Variants in ROCK2 observed in about 807,000 individuals in gnomAD.
ROCK2 encodes rho-associated protein kinase 2.
In ROCK2, 61 loss-of-function variants were observed where a neutral mutation model predicts 195.1. The observed-to-expected ratio is 0.31, with a 90% CI of 0.25 to 0.39. The LOEUF is 0.39. Among genes scored for constraint, ROCK2 ranks in the 10% least tolerant of loss-of-function variants. The pLI, the probability that ROCK2 is intolerant of heterozygous loss-of-function variation, is 1.00. For missense variants in ROCK2, 1,109 were observed against 1,637.4 expected (o/e 0.68, Z 5.57); for synonymous variants, 504 against 545.5 (o/e 0.92, Z 1.06).
chr2:11,280,486 C>G (rs1255715866), intron 3 of ROCK2, among the ~76,000 whole-genome samples: 1 of 151,014 alleles, frequency 6.6e-6, no homozygotes, highest in Non-Finnish European at 1.5e-5. Flanking sequence ...AAAAATTGAG[C>G]CATTCATGGT....
intron 5 of ROCK2, among the ~76,000 whole-genome samples, chr2:11,230,574 T>A (rs1009926657): frequency 1.3e-5 from 2 of 152,164 alleles, no homozygotes; most frequent in African/African-American, 4.8e-5. Flanking sequence ...AAATTTCATG[T>A]GACAAGCTAA....
intron 3 of ROCK2, among the ~76,000 whole-genome samples, chr2:11,272,428 T>G (rs1205455723): frequency 6.6e-6 from 1 of 152,238 alleles, no homozygotes; most frequent in African/African-American, 2.4e-5. Flanking sequence ...ATTATTAATC[T>G]AAAAGCTAGT....
intron 18 of ROCK2, among the ~76,000 whole-genome samples, chr2:11,209,247 T>C (rs564961216): frequency 6.6e-6 from 1 of 152,288 alleles, no homozygotes; most frequent in South Asian, 2.1e-4. Flanking sequence ...CTTTCTGAGC[T>C]TAAACCCTGG....
intron 1 of ROCK2, among the ~76,000 whole-genome samples, chr2:11,323,032 A>AT (rs145540071): frequency 0.043 from 6,473 of 152,268 alleles, 281 homozygotes; most frequent in Non-Finnish European, 0.06. Flanking sequence ...ACCTAAGGGG[A>AT]TTTTTTAGGG....
intron 29 of ROCK2, 38 bp downstream of exon 29, chr2:11,194,218 A>G: frequency 1.1e-6 from 1 of 902,556 alleles, no homozygotes; most frequent in Non-Finnish European, 1.7e-6. Flanking sequence ...TATACTTTAA[A>G]AGATATAGTT....
chr2:11,318,062 G>A (rs565219599), intron 1 of ROCK2, among the ~76,000 whole-genome samples: 223 of 152,056 alleles, frequency 1.5e-3, no homozygotes, highest in African/African-American at 5.0e-3. Flanking sequence ...GAATAGTGCC[G>A]CAATAAACAT....
intron 4 of ROCK2, among the ~76,000 whole-genome samples, chr2:11,242,644 G>A (rs1223338400): frequency 6.6e-6 from 1 of 152,098 alleles, no homozygotes; most frequent in Non-Finnish European, 1.5e-5. Context: ...TCTTACTCAA[G>A]GGAGTTAATC....
At chr2:11,262,091 A>G (rs1339026989) in intron 3 of ROCK2, among the ~76,000 whole-genome samples, 1 of 152,202 alleles carries the variant, frequency 6.6e-6, no homozygotes, top group African/African-American at 2.4e-5. Flanking sequence ...GTATGACATG[A>G]ATTTCCCGTC....
At chr2:11,275,695 C>CTTTTTT (rs70953379) in intron 3 of ROCK2, among the ~76,000 whole-genome samples, 2 of 110,208 alleles carry the variant, frequency 1.8e-5, no homozygotes, top group African/African-American at 3.5e-5. Flanking sequence ...ATTCAACAAT[C>CTTTTTT]TTTTTTTTTT....
chr2:11,226,289 A>G (rs1664809207), intron 6 of ROCK2, among the ~76,000 whole-genome samples: 1 of 152,220 alleles, frequency 6.6e-6, no homozygotes, highest in African/African-American at 2.4e-5. Flanking sequence ...TCTATGATGT[A>G]AAGAAAGTTT....
intron 1 of ROCK2, among the ~76,000 whole-genome samples, chr2:11,319,153 A>G (rs1302053231): frequency 6.6e-6 from 1 of 152,206 alleles, no homozygotes. Context: ...AGTCAGTGGT[A>G]GCTTGATGGG....
In ROCK2 at chr2:11,201,504, A is replaced by T; in HGVS notation, c.2620-91T>A. On this transcript the variant is annotated intron_variant, in intron 21 of 32. Transcript: ENST00000315872. The surrounding 1 kb of genome is among the most constrained non-coding windows in gnomAD (Gnocchi z 4.6). ...TATTCAGACAAAAAGGAGAATGAACACATACAAATATTTTCTTACTGCTAA... is the reference window on the plus strand; with the variant it reads ...TATTCAGACAAAAAGGAGAATGAACTCATACAAATATTTTCTTACTGCTAA... The T allele has an allele frequency of 2.7e-6, 2 of 731,000 alleles. No homozygotes were observed. Among genetic ancestry groups the T allele is most frequent in the Non-Finnish European group, 2.4e-6 (1 of 423,392 alleles). The allele number at this position is 731,000 out of a possible 1,614,324, so 45.3% of individuals were successfully genotyped here. A position where few individuals can be genotyped will look rare whatever the true frequency, so the allele number is the denominator to read the frequency against.
chr2:11,205,284 A>G (rs1378589769), intron 20 of ROCK2, among the ~76,000 whole-genome samples: 2 of 152,156 alleles, frequency 1.3e-5, no homozygotes, highest in African/African-American at 4.8e-5. Flanking sequence ...AACTTACTCC[A>G]GGCCTTATTT....
At chr2:11,203,567 G>A (rs1663942027) in intron 20 of ROCK2, among the ~76,000 whole-genome samples, 1 of 152,112 alleles carries the variant, frequency 6.6e-6, no homozygotes, top group Non-Finnish European at 1.5e-5. Context: ...AAGACTCAGA[G>A]GGAGCACGTG....
chr2:11,281,209 A>T (rs1328940421), intron 3 of ROCK2, among the ~76,000 whole-genome samples: 9 of 101,764 alleles, frequency 8.8e-5, no homozygotes, highest in South Asian at 2.6e-4. Flanking sequence ...CTCATTATTT[A>T]AAAAAAAAAA....
At chr2:11,297,550 G>GT (rs568755602) in intron 1 of ROCK2, among the ~76,000 whole-genome samples, 44 of 150,628 alleles carry the variant, frequency 2.9e-4, no homozygotes, top group East Asian at 5.8e-4. Context: ...GTCATATGTT[G>GT]TTTTTTTTTC....
chr2:11,248,317 T>A (rs1226924521), intron 4 of ROCK2, among the ~76,000 whole-genome samples: 2 of 152,026 alleles, frequency 1.3e-5, no homozygotes, highest in Non-Finnish European at 2.9e-5. Context: ...GTATACCTAA[T>A]CTTACTCAGG....
chr2:11,333,814 C>A (rs1433424347), intron 1 of ROCK2, among the ~76,000 whole-genome samples: 1 of 152,034 alleles, frequency 6.6e-6, no homozygotes, highest in African/African-American at 2.4e-5. Flanking sequence ...CCAACACAGG[C>A]ATAACTAGGT....
intron 4 of ROCK2, among the ~76,000 whole-genome samples, chr2:11,248,998 C>A (rs932381587): frequency 6.6e-6 from 1 of 151,862 alleles, no homozygotes; most frequent in Non-Finnish European, 1.5e-5. Flanking sequence ...CAGGTTCAAG[C>A]GATTCTCCTG....
Sources: allele counts gnomAD v4.1 joint callset (sites outside exome capture counted in the v4.1 genomes callset), GRCh38; gene constraint gnomAD v4.1.1; non-coding constraint Gnocchi (gnomAD v3.1); transcripts MANE v1.5; gene names NCBI Gene and HGNC (gene_info 2026-07-23, HGNC 2026-07-21).